Variants in PLEKHG1 observed in about 807,000 individuals in gnomAD.
PLEKHG1 encodes pleckstrin homology and RhoGEF domain containing G1.
A neutral mutation model predicts 100.8 loss-of-function variants in PLEKHG1; 44 were observed. That is an observed-to-expected ratio of 0.44 (90% confidence interval 0.34 to 0.56). The LOEUF (loss-of-function observed/expected upper bound fraction) is 0.56. PLEKHG1 is among the 20% of genes least tolerant of loss of function. The pLI, the probability that PLEKHG1 is intolerant of heterozygous loss-of-function variation, is 0.01. For synonymous variants in PLEKHG1, 640 were observed against 662.5 expected (o/e 0.97, Z 0.52); for missense variants, 1,545 against 1,720.9 (o/e 0.90, Z 1.81).
Position 150,733,482 on chromosome 6 carries a change from G to T in PLEKHG1, c.-98-102G>T, listed in dbSNP as rs565175954. ...CATCCCTTCTGTAATTGGCCACCTT[G>T]TTATTGACTGTATTTATTTGAGCTA... On this transcript the variant is annotated intron_variant, in intron 1 of 15. Coordinates refer to ENST00000358517, the Ensembl canonical transcript of PLEKHG1. 1.3e-5 allele frequency: 13 copies of T among 1,034,146 alleles called. No individual in the cohort carries two copies. The African/African-American group carries it at 1.8e-4, about 14-fold the overall frequency. 64.1% of individuals were successfully genotyped at this position (1,034,146 alleles called of 1,614,324 possible). A position where few individuals can be genotyped will look rare whatever the true frequency, so the allele number is the denominator to read the frequency against.
rs1207755273 is a variant in PLEKHG1, at chr6:150,831,965, A to G, written c.2854A>G (p.Ser952Gly). Reference sequence around the variant, plus strand: ...GGACAATCCCTACGACCTGGCCAACAGTGGCCTGTCTCAAACAGACCCAGA... The same window carrying G: ...GGACAATCCCTACGACCTGGCCAACGGTGGCCTGTCTCAAACAGACCCAGA... Residue 952 changes from serine (S) to glycine (G), a missense_variant, in exon 15 of 16, where the codon AGT becomes GGT. Physicochemically the swap from Ser to Gly is moderately conservative, Grantham distance 56. Coordinates refer to ENST00000358517, the Ensembl canonical transcript of PLEKHG1. The surrounding 1 kb of genome is among the most constrained non-coding windows in gnomAD (Gnocchi z 4.1). 3.7e-6 allele frequency: 6 copies of G among 1,613,508 alleles called. No individual in the cohort carries two copies. The highest frequency in any genetic ancestry group is 1.1e-5 in the South Asian group (1 of 91,048).
At chr6:150,812,003 A>G (rs1433284146) in intron 10 of PLEKHG1, among the ~76,000 whole-genome samples, 1 of 152,202 alleles carries the variant, frequency 6.6e-6, no homozygotes, top group Non-Finnish European at 1.5e-5. Context: ...GACAGAGGGA[A>G]CAAATGCAGA....
intron 2 of PLEKHG1, among the ~76,000 whole-genome samples, chr6:150,761,563 G>A (rs1293507745): frequency 6.6e-6 from 1 of 152,130 alleles, no homozygotes; most frequent in Non-Finnish European, 1.5e-5. Flanking sequence ...CCAAAGTGCT[G>A]GGATGCAGGG....
In PLEKHG1 at chr6:150,733,995, C is replaced by T. The variant is rs373715887; in HGVS notation, c.314C>T (p.Ser105Leu). Residue 105 changes from serine to leucine, a missense_variant, in exon 2 of 16, where the codon TCG becomes TTG. By Grantham distance (145) the Ser-to-Leu change is moderately radical. Transcript: ENST00000358517. ...GGGGCACCCAAGACGATCGCAGACT[C>T]GGCCACGAGCCCCAAGCTCCTCTAT... 3.7e-6 allele frequency: 6 copies of T among 1,614,052 alleles called. No homozygotes were observed. In the African/African-American group the frequency reaches 6.7e-5, roughly 18 times the overall value.
chr6:150,785,048 G>A (rs199650315), intron 3 of PLEKHG1, among the ~76,000 whole-genome samples: 3,392 of 121,500 alleles, frequency 0.028, 135 homozygotes, highest in African/African-American at 0.088. Context: ...AAAAAAAAAA[G>A]AGAGAGAGAG....
chr6:150,621,805 G>A (rs1777312610), intron 1 of PLEKHG1, among the ~76,000 whole-genome samples: 1 of 152,204 alleles, frequency 6.6e-6, no homozygotes. Flanking sequence ...TATGAGTGCT[G>A]TCCAAATGTA....
rs75040305 is a variant in PLEKHG1, at chr6:150,769,963, T to C, written c.512+1225T>C. ...ACAAGGACAGGAGTCTGTTTTGTTA[T>C]TGTCTATATGTCTAAAATGGTGTCA... On this transcript the variant is annotated intron_variant, in intron 3 of 15. Coordinates refer to ENST00000358517, the Ensembl canonical transcript of PLEKHG1. 8.5e-3 allele frequency among the ~76,000 whole-genome samples: 1,296 copies of C among 152,262 alleles called. 20 individuals carry two copies. Among genetic ancestry groups the C allele is most frequent in the African/African-American group, 0.03 (1,234 of 41,548 alleles).
intron 3 of PLEKHG1, among the ~76,000 whole-genome samples, chr6:150,705,909 G>A (rs1321468939): frequency 6.6e-6 from 1 of 152,158 alleles, no homozygotes; most frequent in Non-Finnish European, 1.5e-5. Context: ...GAAAAATGCT[G>A]CTGATGAACT....
intron 10 of PLEKHG1, among the ~76,000 whole-genome samples, chr6:150,817,876 T>G (rs1268707779): frequency 6.6e-6 from 1 of 152,006 alleles, no homozygotes; most frequent in Non-Finnish European, 1.5e-5. Flanking sequence ...ATCTGCATTT[T>G]TAATAAGCTG....
chr6:150,842,952 T>G (rs1777598008), exon 16 of PLEKHG1: 1 of 152,168 alleles, frequency 6.6e-6, no homozygotes, highest in Non-Finnish European at 1.5e-5. Flanking sequence ...GATCTCATGA[T>G]CCGTCTGCCT....
chr6:150,812,057 C>T (rs373218751), intron 10 of PLEKHG1, among the ~76,000 whole-genome samples: 23 of 152,066 alleles, frequency 1.5e-4, no homozygotes, highest in African/African-American at 5.1e-4. Context: ...CACTAAAAGT[C>T]AAGGCTGAGT....
chr6:150,784,846 G>T (rs1422195203), intron 3 of PLEKHG1, among the ~76,000 whole-genome samples: 8 of 152,074 alleles, frequency 5.3e-5, no homozygotes, highest in Admixed American at 5.2e-4. Context: ...ATACTCTGAG[G>T]CTAACAGGGC....
At chr6:150,724,746 G>A (rs192320463) in intron 1 of PLEKHG1, among the ~76,000 whole-genome samples, 1 of 151,968 alleles carries the variant, frequency 6.6e-6, no homozygotes, top group Non-Finnish European at 1.5e-5. Flanking sequence ...TTTTAGTAGA[G>A]ACGGGGGTTT....
chr6:150,833,759 C>G (rs1431748642), intron 15 of PLEKHG1, among the ~76,000 whole-genome samples: 1 of 152,146 alleles, frequency 6.6e-6, no homozygotes, highest in Non-Finnish European at 1.5e-5. Context: ...GATTTTCTAA[C>G]CAAGGACCAC....
chr6:150,683,675 G>A lies in PLEKHG1; in HGVS notation c.-99+32889G>A. The stretch of plus-strand genomic sequence containing the variant: ...ACTGGCAAACTAAGGATGACAGAGT[G>A]TTCAATGATGCTGTTCAACTTGAAC... On this transcript the variant is annotated intron_variant, in intron 3 of 3. Coordinates refer to the PLEKHG1 transcript ENST00000367326. The surrounding 1 kb of genome is among the most constrained non-coding windows in gnomAD (Gnocchi z 4.0). 1 of 654,328 alleles carries A rather than the reference G, an allele frequency of 1.5e-6. No individual in the cohort carries two copies. The allele number at this position is 654,328 out of a possible 1,614,324, so 40.5% of individuals were successfully genotyped here.
At chr6:150,693,229 AG>A (rs1672311738) in intron 3 of PLEKHG1, among the ~76,000 whole-genome samples, 1 of 152,172 alleles carries the variant, frequency 6.6e-6, no homozygotes, top group Non-Finnish European at 1.5e-5. Flanking sequence ...CGGAGGTTGC[AG>A]TGAGCCAAGA....
Position 150,787,494 on chromosome 6 carries a change from A to G in PLEKHG1, c.582+1035A>G, listed in dbSNP as rs111942123. 2.9e-3 allele frequency among the ~76,000 whole-genome samples: 448 copies of G among 152,342 alleles called. 4 individuals carry two copies. The highest frequency in any genetic ancestry group is 0.01 in the African/African-American group (419 of 41,578). ...AACCGCTTTTGTTTGGAAAGCCTTT[A>G]GCAGAAATTGTTTTGCAGCAAACTT... On this transcript the variant is annotated intron_variant, in intron 4 of 15. Coordinates refer to ENST00000358517, the Ensembl canonical transcript of PLEKHG1.
chr6:150,841,757 A>AT (rs1399801218), exon 16 of PLEKHG1: 2 of 152,244 alleles, frequency 1.3e-5, no homozygotes, highest in African/African-American at 4.8e-5. Context: ...CCACCAGACC[A>AT]TTTTGTGTGC....
At chr6:150,732,119 G>A (rs573527485) in intron 1 of PLEKHG1, among the ~76,000 whole-genome samples, 12 of 151,952 alleles carry the variant, frequency 7.9e-5, no homozygotes, top group South Asian at 2.1e-4. Context: ...CCGCCACCAC[G>A]CCTAGCTAAT....
Sources: gnomAD v4.1 joint callset for allele counts (sites outside exome capture counted in the v4.1 genomes callset) on GRCh38, gnomAD v4.1.1 for gene constraint, Gnocchi (gnomAD v3.1) non-coding constraint, MANE v1.5 for transcripts, NCBI Gene and HGNC (gene_info 2026-07-23, HGNC 2026-07-21) for gene names.